Variants in FLNA observed in about 807,000 individuals in gnomAD.
FLNA encodes the protein filamin A, also known as filamin-A.
FLNA carries 7 observed loss-of-function variants against 157.6 expected under a neutral mutation model. The observed-to-expected ratio is 0.04, with a 90% CI of 0.03 to 0.08. FLNA has a LOEUF of 0.08. Among genes scored for constraint, FLNA ranks in the 10% least tolerant of loss-of-function variants. The pLI is 1.00. For missense variants in FLNA, 1,750 were observed against 2,398.4 expected (o/e 0.73, Z 5.65); for synonymous variants, 1,103 against 1,060.8 (o/e 1.04, Z -0.77).
chrX:154,363,922 G>A, intron 15 of FLNA, 100 bp downstream of exon 15: 2 of 917,380 alleles, frequency 2.2e-6, no homozygotes, highest in East Asian at 3.1e-5. Context: ...CTGTGGGACA[G>A]GGGAGTCAGG....
chrX:154,353,822 G>A lies in FLNA; in HGVS notation c.5686+93C>T. On this transcript the variant is annotated intron_variant, in intron 35 of 47. Coordinates refer to ENST00000369850, the MANE Select transcript of FLNA (RefSeq NM_001110556.2). ...CCGATGGCCAGGGCAGCAGGGCAGGGAGCCCCATTCAGGAGTATCTCCTGA... is the reference window on the plus strand; with the variant it reads ...CCGATGGCCAGGGCAGCAGGGCAGGAAGCCCCATTCAGGAGTATCTCCTGA... 5.0e-6 allele frequency: 6 copies of A among 1,194,189 alleles called. No homozygotes were observed. The East Asian group carries it at 1.2e-4, about 24-fold the overall frequency.
At chrX:154,355,205 C>T in intron 30 of FLNA, 133 bp from the exon 31 acceptor site, 1 of 643,417 alleles carries the variant, frequency 1.6e-6, no homozygotes, top group Non-Finnish European at 2.3e-6. Context: ...AGGCCTCCTG[C>T]CCCGCCCTGC....
intron 15 of FLNA, among the ~76,000 whole-genome samples, chrX:154,363,340 T>C (rs5945187): frequency 0.38 from 41,505 of 109,076 alleles, 8,467 homozygotes; most frequent in African/African-American, 0.78. Flanking sequence ...ATTGCTTGAA[T>C]CTGGCAGGCA....
chrX:154,360,916 G>A (rs782704139), intron 21 of FLNA, among the ~76,000 whole-genome samples: 3 of 107,198 alleles, frequency 2.8e-5, no homozygotes, highest in Middle Eastern at 4.7e-3. Flanking sequence ...GCATGGTGGC[G>A]GGCACCTGTA....
rs782172305 is a variant in FLNA, at chrX:154,359,778, G to A, written c.3933C>T (p.Asp1311=). 1 of 1,210,816 alleles carries A rather than the reference G, an allele frequency of 8.3e-7. No individual in the cohort carries two copies. Among genetic ancestry groups the A allele is most frequent in the Admixed American group, 2.2e-5 (1 of 46,092 alleles). The change falls in exon 23 of 48, where the codon GAC becomes GAT. Residue 1311 remains aspartate, a synonymous_variant. Transcript: ENST00000369850. ...CCACTTTGTACATGCCATCGCCACG[G>A]TCCTGAACGTAGGTCTCCGTCAGGT... ...SGNLTETYVQ[D]RGDGMYKVEY...
intron 2 of FLNA, 145 bp from the exon 3 acceptor site, chrX:154,368,235 A>T (rs1452011127): frequency 5.8e-6 from 5 of 854,927 alleles, no homozygotes; most frequent in Non-Finnish European, 6.8e-6. Context: ...TAGGATGTGG[A>T]TGAGGCCCTC....
At position 154,366,215 on chromosome X, in the gene FLNA, G is replaced by A. The variant is rs782549299; in HGVS notation, c.1238C>T (p.Thr413Met). 52 of 1,209,312 alleles carry A rather than the reference G, an allele frequency of 4.3e-5. No individual in the cohort carries two copies. Among genetic ancestry groups the A allele is most frequent in the Middle Eastern group, 4.6e-4 (2 of 4,372 alleles). Residue 413 changes from threonine (T) to methionine (M), a missense_variant, in exon 9 of 48, where the codon ACG (threonine) becomes ATG (methionine). By Grantham distance (81) the Thr-to-Met change is moderately conservative. Around this residue, in one of 5 missense-constraint regions of FLNA, gnomAD observed 648 missense variants for 805.8 expected, o/e 0.80. Coordinates refer to ENST00000369850, the MANE Select transcript of FLNA (RefSeq NM_001110556.2). ...YFEIFTAGAG[T>M]GEVEVVIQDP... ...CTGGATCACAACCTCGACCTCGCCC[G>A]TGCCAGCTCCTGCCACGAGGCACCT...
Position 154,355,089 on chromosome X carries a change from G to A in FLNA, c.4970-17C>T. On this transcript the variant is annotated splice_polypyrimidine_tract_variant and intron_variant, in intron 30 of 47. Coordinates refer to ENST00000369850, the MANE Select transcript of FLNA (RefSeq NM_001110556.2). ...TGCCAGCACCTGGTGGGGCAGGGTG[G>A]GTCCCCAAAGGGGGGCCAGCGTGTG... 8.4e-7 allele frequency: 1 copy of A among 1,197,024 alleles called. No individual in the cohort carries two copies. Among genetic ancestry groups the A allele is most frequent in the Non-Finnish European group, 1.1e-6 (1 of 885,507 alleles).
At chrX:154,362,810 G>T in intron 15 of FLNA, 26 bp from the exon 16 acceptor site, 2 of 1,184,386 alleles carry the variant, frequency 1.7e-6, no homozygotes, top group East Asian at 3.1e-5. Context: ...GCAAGGGCAA[G>T]GGCATGAGCA....
Position 154,371,200 on chromosome X carries a change from C to G in FLNA, c.46G>C (p.Ala16Pro). ...CGCGTGTCGACGCCGCCGCCCGGAGCCGCGCCTGCTGCGCTCTGGCCCGCC... is the reference window on the plus strand; with the variant it reads ...CGCGTGTCGACGCCGCCGCCCGGAGGCGCGCCTGCTGCGCTCTGGCCCGCC... ...SRAGQSAAGA[A>P]PGGGVDTRDA... The change falls in exon 2 of 48, where the codon GCT (alanine) becomes CCT (proline). Residue 16 changes from alanine (A) to proline (P), a missense_variant. Ala to Pro is a conservative substitution (Grantham distance 27). Coordinates refer to ENST00000369850, the MANE Select transcript of FLNA (RefSeq NM_001110556.2). 1 of 1,196,975 alleles carries G rather than the reference C, an allele frequency of 8.4e-7. No individual in the cohort carries two copies. The highest frequency in any genetic ancestry group is 1.1e-6 in the Non-Finnish European group (1 of 888,698).
At position 154,350,109 on chromosome X, in the gene FLNA, G is replaced by T. The variant is rs782308324; in HGVS notation, c.7255C>A (p.Arg2419=). The change falls in exon 45 of 48, where the codon CGA becomes AGA. Residue 2419 remains arginine, a synonymous_variant. Transcript: ENST00000369850. The part of the protein sequence containing the change: ...THIPGSPFKI[R]VGEPGHGGDP... ...CCTCCATGCCCAGGCTCCCCAACTC[G>T]GATCTTGAAGGGGCTTCCAGGGATG... The T allele has an allele frequency of 1.4e-5, 17 of 1,211,120 alleles. No homozygotes were observed. Among genetic ancestry groups the T allele is most frequent in the Non-Finnish European group, 1.8e-5 (16 of 894,802 alleles).
Position 154,364,215 on chromosome X carries a change from G to T in FLNA, c.2136+44C>A, listed in dbSNP as rs1557178651. 2.5e-6 allele frequency: 3 copies of T among 1,209,106 alleles called. No individual in the cohort carries two copies. The African/African-American group carries it at 5.2e-5, about 21-fold the overall frequency. On this transcript the variant is annotated intron_variant, in intron 14 of 47. Transcript: ENST00000369850. ...GCCTGCTGGTCAGTGCCCAGGCCTG[G>T]GTGCCCACACCTGCCCTGCCCCCAA...
intron 15 of FLNA, among the ~76,000 whole-genome samples, 165 bp from the exon 16 acceptor site, chrX:154,362,949 C>T (rs1025096283): frequency 1.8e-5 from 2 of 112,075 alleles, no homozygotes; most frequent in South Asian, 7.3e-4. Flanking sequence ...CGGTTCACTC[C>T]GAGGCAACTA....
At position 154,352,222 on chromosome X, in the gene FLNA, G is replaced by T; in HGVS notation, c.6728C>A (p.Ala2243Asp). 8.3e-7 allele frequency: 1 copy of T among 1,211,011 alleles called. No individual in the cohort carries two copies. Among genetic ancestry groups the T allele is most frequent in the Non-Finnish European group, 1.1e-6 (1 of 895,301 alleles). Residue 2243 changes from alanine to aspartate, a missense_variant, in exon 41 of 48, where the codon GCT (alanine) becomes GAT (aspartate). Physicochemically the swap from Ala to Asp is moderately radical, Grantham distance 126. Around this residue, in one of 5 missense-constraint regions of FLNA, gnomAD observed 970 missense variants for 1,302.6 expected, o/e 0.74. Coordinates refer to ENST00000369850, the MANE Select transcript of FLNA (RefSeq NM_001110556.2). Reference protein sequence around the residue: ...LGEGGAHKVRAGGPGLERAEA... With the variant: ...LGEGGAHKVRDGGPGLERAEA... ...AGCTCTCTCCAGGCCAGGGCCCCCA[G>T]CTCGGACCTTGTGGGCTCCCCCTTC...
At chrX:154,372,250 G>C in intron 1 of FLNA, among the ~76,000 whole-genome samples, 1 of 113,310 alleles carries the variant, frequency 8.8e-6, no homozygotes, top group Non-Finnish European at 1.9e-5. Context: ...AACCCTTCAT[G>C]CCAGTTCACC....
In FLNA at chrX:154,364,884, C is replaced by T. The variant is rs782371876; in HGVS notation, c.1765G>A (p.Gly589Ser). 6 of 1,210,104 alleles carry T rather than the reference C, an allele frequency of 5.0e-6. No homozygotes were observed. The highest frequency in any genetic ancestry group is 4.4e-5 in the Admixed American group (2 of 45,919). The change falls in exon 12 of 48, where the codon GGC (glycine) becomes AGC (serine). Residue 589 changes from glycine (G) to serine (S), a missense_variant. Gly to Ser is a moderately conservative substitution (Grantham distance 56, BLOSUM62 0). Around this residue, in one of 5 missense-constraint regions of FLNA, gnomAD observed 648 missense variants for 805.8 expected, o/e 0.80. Coordinates refer to ENST00000369850, the MANE Select transcript of FLNA (RefSeq NM_001110556.2). ...VRAWGPGLEG[G>S]VVGKSADFVV... ...AAGTCTGCTGACTTGCCAACGACGCCGCCCTCCAGCCCAGGGCCCCAGGCC... is the reference window on the plus strand; with the variant it reads ...AAGTCTGCTGACTTGCCAACGACGCTGCCCTCCAGCCCAGGGCCCCAGGCC...
rs782686474 is a variant in FLNA at position 154,349,350 on chromosome X, C to T, written c.7756+12G>A. 2.5e-6 allele frequency: 3 copies of T among 1,206,980 alleles called. No homozygotes were observed. Among genetic ancestry groups the T allele is most frequent in the Admixed American group, 4.3e-5 (2 of 46,167 alleles). ...TTGGTGGGAAGGTGGGCCGGGGGCC[C>T]AGGTTGCCCACCTGCTTTGCTGCAG... is the stretch of plus-strand genomic sequence containing the variant. On this transcript the variant is annotated intron_variant, in intron 47 of 47. Transcript: ENST00000369850.
rs1557177292 is a variant in FLNA at position 154,358,486 on chromosome X, G to A, written c.4557C>T (p.Tyr1519=). 2.5e-6 allele frequency: 3 copies of A among 1,209,035 alleles called. No homozygotes were observed. Among genetic ancestry groups the A allele is most frequent in the South Asian group, 1.8e-5 (1 of 56,757 alleles). The stretch of plus-strand genomic sequence containing the variant: ...CATCTCCATACAGTACTGAGATGCT[G>A]TAGGGCCCTTCTCGGCTGGGCACAT... The part of the protein sequence containing the change: ...VNYVPSREGP[Y]SISVLYGDEE... The change falls in exon 27 of 48, where the codon TAC becomes TAT. Residue 1519 remains tyrosine (Y), a synonymous_variant. Transcript: ENST00000369850.
chrX:154,355,122 G>A (rs782342264), intron 30 of FLNA, 50 bp from the exon 31 acceptor site: 1 of 1,165,569 alleles, frequency 8.6e-7, no homozygotes, highest in South Asian at 1.9e-5. Flanking sequence ...GTGAGCTCGG[G>A]TTCAGGTTGT....
Sources: allele counts gnomAD v4.1 joint callset (sites outside exome capture counted in the v4.1 genomes callset), GRCh38; gene constraint gnomAD v4.1.1; regional missense constraint gnomAD v4.1.1; transcripts MANE v1.5; gene names NCBI Gene and HGNC (gene_info 2026-07-23, HGNC 2026-07-21).